The following CAMK1D variants were observed in gnomAD, a reference collection of about 807,000 sequenced individuals.
The protein encoded by CAMK1D is calcium/calmodulin dependent protein kinase ID, also known as calcium/calmodulin-dependent protein kinase type 1D.
A neutral mutation model predicts 47.7 loss-of-function variants in CAMK1D; 9 were observed. The ratio of observed to expected loss-of-function variants is 0.19; its 90% confidence interval spans 0.11 to 0.33. The LOEUF is 0.33. Ranked by LOEUF, CAMK1D falls within the 10% of genes least tolerant of loss-of-function variation. CAMK1D has a pLI of 1.00. For missense variants in CAMK1D, 291 were observed against 488.7 expected (o/e 0.60, Z 3.81); for synonymous variants, 184 against 184.9 (o/e 0.99, Z 0.04).
intron 2 of CAMK1D, among the ~76,000 whole-genome samples, chr10:12,585,846 G>A (rs1400633352): frequency 2.0e-5 from 3 of 152,176 alleles, no homozygotes; most frequent in Admixed American, 6.5e-5. Flanking sequence ...CTGCCATCTC[G>A]ATCCTTCGGA....
In CAMK1D at chr10:12,365,539, C is replaced by T. The variant is rs193090545; in HGVS notation, c.92+15629C>T. 9.2e-3 allele frequency among the ~76,000 whole-genome samples: 1,396 copies of T among 151,852 alleles called. 21 individuals are homozygous for T. Among genetic ancestry groups the T allele is most frequent in the African/African-American group, 0.031 (1,301 of 41,452 alleles). ...CTGCAAGCTCCGCCTCCCAGGTTCA[C>T]GCCATTCTCCTGCCTCAGCCTCCCG... On this transcript the variant is annotated intron_variant, in intron 1 of 10. Coordinates refer to ENST00000619168, the MANE Select transcript of CAMK1D (RefSeq NM_153498.4).
chr10:12,761,275 A>G (rs956250632), intron 4 of CAMK1D, among the ~76,000 whole-genome samples, 189 bp downstream of exon 4: 1 of 152,218 alleles, frequency 6.6e-6, no homozygotes, highest in African/African-American at 2.4e-5. Context: ...TTGGAAGAAG[A>G]TGAAGATTCA....
intron 1 of CAMK1D, among the ~76,000 whole-genome samples, chr10:12,436,173 G>C (rs1832629080): frequency 6.6e-6 from 1 of 152,206 alleles, no homozygotes. Context: ...TCCTTGGCCT[G>C]AAAGCCACTC....
chr10:12,526,947 A>C (rs971264354), intron 1 of CAMK1D, among the ~76,000 whole-genome samples: 1 of 151,828 alleles, frequency 6.6e-6, no homozygotes, highest in Non-Finnish European at 1.5e-5. Flanking sequence ...GCTACTCAGA[A>C]GGCCGAGATG....
chr10:12,558,257 A>G (rs1431635997), intron 2 of CAMK1D, among the ~76,000 whole-genome samples: 3 of 152,348 alleles, frequency 2.0e-5, no homozygotes, highest in Admixed American at 2.0e-4. Flanking sequence ...CACTGCTGAC[A>G]TCTAATTTCA....
At chr10:12,720,076 AC>A (rs1453048031) in intron 3 of CAMK1D, among the ~76,000 whole-genome samples, 2 of 152,216 alleles carry the variant, frequency 1.3e-5, no homozygotes, top group Non-Finnish European at 2.9e-5. Flanking sequence ...TCCAAGGACA[AC>A]CCTTTGAGTA....
intron 1 of CAMK1D, among the ~76,000 whole-genome samples, chr10:12,526,897 C>CAACAAAAA (rs1835640576): frequency 1.5e-5 from 2 of 129,830 alleles, no homozygotes; most frequent in Non-Finnish European, 3.2e-5. Flanking sequence ...AACCCTATCT[C>CAACAAAAA]AAAAAAAAAA....
At chr10:12,765,391 A>T (rs1420030124) in intron 4 of CAMK1D, among the ~76,000 whole-genome samples, 1 of 151,890 alleles carries the variant, frequency 6.6e-6, no homozygotes, top group East Asian at 1.9e-4. Flanking sequence ...GGGAGGGGGT[A>T]GTGGATGGGA....
intron 1 of CAMK1D, among the ~76,000 whole-genome samples, chr10:12,546,699 C>G (rs1051824474): frequency 1.3e-5 from 2 of 151,618 alleles, no homozygotes; most frequent in East Asian, 1.9e-4. Context: ...TCTCAGCAAA[C>G]TATCGCAAGG....
intron 2 of CAMK1D, among the ~76,000 whole-genome samples, chr10:12,666,513 C>T (rs1327688382): frequency 6.6e-6 from 1 of 152,166 alleles, no homozygotes. Context: ...TCTTGCTAAA[C>T]TGTAGGGTAT....
chr10:12,695,100 T>G (rs1833229501), intron 3 of CAMK1D, among the ~76,000 whole-genome samples: 1 of 144,670 alleles, frequency 6.9e-6, no homozygotes. Flanking sequence ...AGATATAGGG[T>G]AGATTGATCC....
chr10:12,448,660 C>A (rs921269762), intron 1 of CAMK1D, among the ~76,000 whole-genome samples: 1 of 152,146 alleles, frequency 6.6e-6, no homozygotes, highest in African/African-American at 2.4e-5. Flanking sequence ...AACATTTTTT[C>A]GACATCAGAT....
intron 3 of CAMK1D, among the ~76,000 whole-genome samples, chr10:12,683,101 T>TG (rs1038660672): frequency 6.6e-6 from 1 of 151,144 alleles, no homozygotes; most frequent in Non-Finnish European, 1.5e-5. Context: ...TTTTTTTTTT[T>TG]TTTGAGATGG....
rs142112490 is a variant in CAMK1D, at chr10:12,430,104, CCCACTG to C, written c.92+80197_92+80202del. On this transcript the variant is annotated intron_variant, in intron 1 of 10. Transcript: ENST00000619168. The stretch of plus-strand genomic sequence containing the variant: ...CATAATGACAAAAACACTTACATCC[CCCACTG>C]CCTTGCTGTTCTCTCTTGGATGGAA... Among the ~76,000 whole-genome samples, 370 of 152,202 alleles carry C rather than the reference CCCACTG, an allele frequency of 2.4e-3. 2 individuals carry two copies. The highest frequency in any genetic ancestry group is 8.2e-3 in the African/African-American group (342 of 41,528).
At chr10:12,719,913 C>G (rs1350388768) in intron 3 of CAMK1D, among the ~76,000 whole-genome samples, 1 of 152,158 alleles carries the variant, frequency 6.6e-6, no homozygotes, top group East Asian at 1.9e-4. Context: ...CAATCCAGCT[C>G]GAGTTTTAGC....
At chr10:12,426,524 C>T (rs534743124) in intron 1 of CAMK1D, among the ~76,000 whole-genome samples, 1 of 152,280 alleles carries the variant, frequency 6.6e-6, no homozygotes, top group South Asian at 2.1e-4. Flanking sequence ...GGATTACAGG[C>T]GTGAGCCACC....
chr10:12,435,642 T>C (rs1459330924), intron 1 of CAMK1D, among the ~76,000 whole-genome samples: 1 of 152,202 alleles, frequency 6.6e-6, no homozygotes, highest in Non-Finnish European at 1.5e-5. Context: ...TTTCCACTGC[T>C]TTCCACTCTC....
chr10:12,769,578 G>A, intron 4 of CAMK1D, 95 bp from the exon 5 acceptor site: 1 of 1,403,398 alleles, frequency 7.1e-7, no homozygotes, highest in Non-Finnish European at 9.8e-7. Context: ...AGGACGTCCT[G>A]ACGTTGTGAA....
chr10:12,734,667 C>G (rs969195320), intron 3 of CAMK1D, among the ~76,000 whole-genome samples: 1 of 151,702 alleles, frequency 6.6e-6, no homozygotes, highest in Non-Finnish European at 1.5e-5. Context: ...TGACCTGCTT[C>G]CACCAAGTCC....
Sources: gnomAD v4.1 joint callset for allele counts (sites outside exome capture counted in the v4.1 genomes callset) on GRCh38, gnomAD v4.1.1 for gene constraint, MANE v1.5 for transcripts, NCBI Gene and HGNC (gene_info 2026-07-23, HGNC 2026-07-21) for gene names.